Variants in ALX4 observed in about 807,000 individuals in gnomAD.
ALX4 encodes the protein ALX homeobox 4, also known as homeobox protein aristaless-like 4.
ALX4 carries 22 observed loss-of-function variants against 40.6 expected under a neutral mutation model. The observed-to-expected ratio is 0.54, with a 90% CI of 0.39 to 0.77. The LOEUF (loss-of-function observed/expected upper bound fraction) is 0.77. Among genes scored for constraint, ALX4 ranks in the 30% least tolerant of loss-of-function variants. The probability of loss-of-function intolerance (pLI) is 0.00; values close to 1 mark genes in which losing one functional copy is unlikely to be tolerated. For synonymous variants in ALX4, 266 were observed against 240.5 expected, an observed-to-expected ratio of 1.11 and a Z score of -0.98; for missense variants, 556 against 564.8, an observed-to-expected ratio of 0.98 and a Z score of 0.16.
Position 44,264,655 on chromosome 11 carries a change from G to T in ALX4, c.*199C>A. 1.6e-6 allele frequency: 1 copy of T among 632,804 alleles called. No individual in the cohort carries two copies. The highest frequency in any genetic ancestry group is 4.3e-4 in the Middle Eastern group (1 of 2,316). The allele number at this position is 632,804 out of a possible 1,614,324, so 39.2% of individuals were successfully genotyped here. A position where few individuals can be genotyped will look rare whatever the true frequency, so the allele number is the denominator to read the frequency against. On this transcript the variant is annotated 3_prime_UTR_variant, in exon 4 of 4. Coordinates refer to ENST00000652299, the MANE Select transcript of ALX4 (RefSeq NM_021926.4). The stretch of plus-strand genomic sequence containing the variant: ...GCAGGGGTCAGGGCCTCAGTGCCAG[G>T]GAGGGGCCAGGGGCCTGCTGCCCCC...
intron 1 of ALX4, among the ~76,000 whole-genome samples, chr11:44,298,416 C>T (rs1956416088): frequency 6.6e-6 from 1 of 152,186 alleles, no homozygotes; most frequent in African/African-American, 2.4e-5. Context: ...GCATCCCTTG[C>T]AGGTGAGTCT....
At chr11:44,276,453 C>G (rs1956278706) in intron 1 of ALX4, among the ~76,000 whole-genome samples, 1 of 152,226 alleles carries the variant, frequency 6.6e-6, no homozygotes, top group South Asian at 2.1e-4. Context: ...GCCACTGCGT[C>G]TGGCAGATGG....
rs984838993 is a variant in ALX4 at position 44,290,533 on chromosome 11, G to T, written c.467-14875C>A. ...GTGCAGGGTGGTGACCAGGGCAGGGGCACCTAGCCCAGCCTTGGGGCGACT... is the reference window on the plus strand; with the variant it reads ...GTGCAGGGTGGTGACCAGGGCAGGGTCACCTAGCCCAGCCTTGGGGCGACT... On this transcript the variant is annotated intron_variant, in intron 1 of 3. Transcript: ENST00000652299. 2.6e-5 allele frequency among the ~76,000 whole-genome samples: 4 copies of T among 152,254 alleles called. No individual in the cohort carries two copies. In the East Asian group the frequency reaches 5.8e-4, roughly 22 times the overall value.
rs200122905 is a variant in ALX4, at chr11:44,264,876, G to A, written c.1214C>T (p.Ala405Val). 9.3e-6 allele frequency: 15 copies of A among 1,612,762 alleles called. No homozygotes were observed. Among genetic ancestry groups the A allele is most frequent in the Admixed American group, 1.7e-5 (1 of 60,002 alleles). Residue 405 changes from alanine to valine, a missense_variant, in exon 4 of 4, where the codon GCG (alanine) becomes GTG (valine). Ala to Val is a moderately conservative substitution (Grantham distance 64, BLOSUM62 0). Coordinates refer to ENST00000652299, the MANE Select transcript of ALX4 (RefSeq NM_021926.4). ...CTGTCATGTGGCCCAGGAAATGGCCGCACTGTGCTCCTTGGCCTTCATGCG... is the reference window on the plus strand; with the variant it reads ...CTGTCATGTGGCCCAGGAAATGGCCACACTGTGCTCCTTGGCCTTCATGCG... ...ALRMKAKEHS[A>V]AISWAT
intron 2 of ALX4, among the ~76,000 whole-genome samples, chr11:44,270,392 C>T (rs1033089111): frequency 2.6e-5 from 4 of 152,026 alleles, no homozygotes; most frequent in African/African-American, 9.7e-5. Flanking sequence ...CTCCTCCCTC[C>T]TTCTTCTCCT....
At chr11:44,300,715 G>A (rs1310715633) in intron 1 of ALX4, among the ~76,000 whole-genome samples, 3 of 152,218 alleles carry the variant, frequency 2.0e-5, no homozygotes, top group Non-Finnish European at 2.9e-5. Context: ...GAGAAATGGA[G>A]TGGCACTAGA....
intron 1 of ALX4, among the ~76,000 whole-genome samples, chr11:44,300,134 C>T (rs1041431905): frequency 2.6e-5 from 4 of 152,158 alleles, no homozygotes; most frequent in African/African-American, 9.7e-5. Flanking sequence ...ACTGGACCAG[C>T]CTTCCCCCTT....
chr11:44,302,744 G>A (rs184780513), intron 1 of ALX4, among the ~76,000 whole-genome samples: 7 of 152,260 alleles, frequency 4.6e-5, no homozygotes, highest in East Asian at 3.9e-4. Context: ...ACCTCTAGCC[G>A]GCTTTGTGTC....
rs1011926306 is a variant in ALX4, at chr11:44,302,724, G to A, written c.466+6873C>T. On this transcript the variant is annotated intron_variant, in intron 1 of 3. Coordinates refer to ENST00000652299, the MANE Select transcript of ALX4 (RefSeq NM_021926.4). Reference sequence around the variant, plus strand: ...AGCCCAGAACCTGCATTCCACCATGGCCCTGTAGGACCTCTAGCCGGCTTT... The same window carrying A: ...AGCCCAGAACCTGCATTCCACCATGACCCTGTAGGACCTCTAGCCGGCTTT... Among the ~76,000 whole-genome samples, 8 of 152,264 alleles carry A rather than the reference G, an allele frequency of 5.3e-5. No homozygotes were observed. In the South Asian group the frequency reaches 1.5e-3, roughly 28 times the overall value.
In ALX4 at chr11:44,265,162, C is replaced by G. The variant is rs780076792; in HGVS notation, c.928G>C (p.Gly310Arg). 4 of 1,603,726 alleles carry G rather than the reference C, an allele frequency of 2.5e-6. No homozygotes were observed. Among genetic ancestry groups the G allele is most frequent in the Non-Finnish European group, 3.4e-6 (4 of 1,173,866 alleles). The stretch of plus-strand genomic sequence containing the variant: ...ACTGGTGAGGCAGCCCCGTTGTTGC[C>G]GAGCCAGGACGGGTTCTGAATCTGG... The part of the protein sequence containing the change: ...YAQIQNPSWL[G>R]NNGAASPVPA... The change falls in exon 4 of 4, where the codon GGC becomes CGC. Residue 310 changes from glycine (G) to arginine (R), a missense_variant. Coordinates refer to ENST00000652299, the MANE Select transcript of ALX4 (RefSeq NM_021926.4).
chr11:44,289,514 C>G (rs925706148), intron 1 of ALX4, among the ~76,000 whole-genome samples: 1 of 152,156 alleles, frequency 6.6e-6, no homozygotes, highest in Non-Finnish European at 1.5e-5. Context: ...GATCACATAG[C>G]TAGGAGGGGC....
chr11:44,295,823 T>C (rs115832459), intron 1 of ALX4, among the ~76,000 whole-genome samples: 3 of 152,178 alleles, frequency 2.0e-5, no homozygotes, highest in African/African-American at 7.2e-5. Context: ...ACAAAAGAAT[T>C]TCCCCAAAGG....
In ALX4 at chr11:44,275,575, C is replaced by T; in HGVS notation, c.550G>A (p.Glu184Lys). Reference sequence around the variant, plus strand: ...TCCTGGGGCCCCTTCACCCCAGCCTCCTTGACACTCAGGTAGCTGCTGTCC... The same window carrying T: ...TCCTGGGGCCCCTTCACCCCAGCCTTCTTGACACTCAGGTAGCTGCTGTCC... ...GMDSSYLSVK[E>K]AGVKGPQDRA... Residue 184 changes from glutamate (E) to lysine (K), a missense_variant, in exon 2 of 4, where the codon GAG becomes AAG. Glu to Lys is a moderately conservative substitution (Grantham distance 56). Coordinates refer to ENST00000652299, the MANE Select transcript of ALX4 (RefSeq NM_021926.4). The T allele has an allele frequency of 6.2e-7, 1 of 1,614,122 alleles. No homozygotes were observed. Among genetic ancestry groups the T allele is most frequent in the East Asian group, 2.2e-5 (1 of 44,864 alleles).
intron 1 of ALX4, among the ~76,000 whole-genome samples, chr11:44,309,222 G>GCAGCCCCGCAGCCCCGCAGCCCCT (rs1180083289): frequency 6.8e-6 from 1 of 146,232 alleles, no homozygotes; most frequent in South Asian, 2.3e-4. Flanking sequence ...CCGCAGCCCC[G>GCAGCCCCGCAGCCCCGCAGCCCCT]CAGCCCAGCG....
chr11:44,274,721 G>C (rs1482816430), intron 2 of ALX4, among the ~76,000 whole-genome samples: 1 of 152,184 alleles, frequency 6.6e-6, no homozygotes, highest in Non-Finnish European at 1.5e-5. Context: ...TGTTCTGTTG[G>C]GTTGCAATGA....
intron 1 of ALX4, among the ~76,000 whole-genome samples, chr11:44,305,556 G>A (rs1375780082): frequency 1.3e-5 from 2 of 152,184 alleles, no homozygotes; most frequent in Admixed American, 6.5e-5. Flanking sequence ...GTCGTCTCTT[G>A]TATACAAAAC....
In ALX4 at chr11:44,265,143, GA is replaced by G; in HGVS notation, c.946del (p.Ser316HisfsTer35). 6.2e-7 allele frequency: 1 copy of G among 1,607,332 alleles called. No individual in the cohort carries two copies. Among genetic ancestry groups the G allele is most frequent in the Non-Finnish European group, 8.5e-7 (1 of 1,175,884 alleles). ...GGGGACCACGCAGGCTGGCACTGGT[GA>G]GGCAGCCCCGTTGTTGCCGAGCCAG... ...PSWLGNNGAASPVPACVVPCD... is the reference protein window; with the variant it reads ...PSWLGNNGAAXPVPACVVPCD... On this transcript the variant is annotated frameshift_variant, in exon 4 of 4. Transcript: ENST00000652299. LOFTEE classifies it high-confidence loss of function.
At position 44,275,376 on chromosome 11, in the gene ALX4, C is replaced by G. The variant is rs986694906; in HGVS notation, c.749G>C (p.Arg250Thr). Residue 250 changes from arginine to threonine, a missense_variant, in exon 2 of 4, where the codon AGG (arginine) becomes ACG (threonine). By Grantham distance (71) the Arg-to-Thr change is moderately conservative. Coordinates refer to ENST00000652299, the MANE Select transcript of ALX4 (RefSeq NM_021926.4). ...CACGCGGGCCTCAGTGAGGTCTGTCCTCATGGCCAGCTGTTCCCGCGCATA... is the reference window on the plus strand; with the variant it reads ...CACGCGGGCCTCAGTGAGGTCTGTCGTCATGGCCAGCTGTTCCCGCGCATA... ...DVYAREQLAM[R>T]TDLTEARVQV... The G allele has an allele frequency of 1.2e-5, 19 of 1,614,066 alleles. No homozygotes were observed. The highest frequency in any genetic ancestry group is 1.7e-5 in the Admixed American group (1 of 60,012).
rs556958221 is a variant in ALX4 at position 44,307,742 on chromosome 11, CA to C, written c.466+1854del. ...GGCTGGGAAGGACAGCCAGTACGGA[CA>C]GGGCTGAGAGTCTCTGCTGGCTTAG... On this transcript the variant is annotated intron_variant, in intron 1 of 3. Transcript: ENST00000652299. Among the ~76,000 whole-genome samples the C allele has an allele frequency of 1.9e-3, 296 of 152,318 alleles. 2 individuals are homozygous for C. Among genetic ancestry groups the C allele is most frequent in the African/African-American group, 6.9e-3 (286 of 41,564 alleles).
Sources: allele counts gnomAD v4.1 joint callset (sites outside exome capture counted in the v4.1 genomes callset), GRCh38; gene constraint gnomAD v4.1.1; transcripts MANE v1.5; gene names NCBI Gene and HGNC (gene_info 2026-07-23, HGNC 2026-07-21).